The following SLC6A6 variants were observed in gnomAD, a reference collection of about 807,000 sequenced individuals.
SLC6A6 encodes the protein solute carrier family 6 member 6, also known as sodium- and chloride-dependent taurine transporter.
SLC6A6 carries 16 observed loss-of-function variants against 68.8 expected under a neutral mutation model. That is an observed-to-expected ratio of 0.23 (90% confidence interval 0.16 to 0.35). The LOEUF (loss-of-function observed/expected upper bound fraction) is 0.35. SLC6A6 is among the 10% of genes least tolerant of loss of function. The probability of loss-of-function intolerance (pLI) is 1.00; values close to 1 mark genes in which losing one functional copy is unlikely to be tolerated. For missense variants in SLC6A6, 474 were observed against 802.8 expected (o/e 0.59, Z 4.95); for synonymous variants, 312 against 315.4 (o/e 0.99, Z 0.12).
intron 2 of SLC6A6, among the ~76,000 whole-genome samples, chr3:14,419,491 A>G (rs911119543): frequency 1.3e-5 from 2 of 152,190 alleles, no homozygotes; most frequent in African/African-American, 2.4e-5. Flanking sequence ...ACAGGGGGCA[A>G]CCCATGTAGT....
At chr3:14,444,215 A>G (rs192940917) in intron 3 of SLC6A6, 63 of 239,448 alleles carry the variant, frequency 2.6e-4, no homozygotes, top group African/African-American at 1.3e-3. Flanking sequence ...CGCCATATCT[A>G]CTTGCCTCTG....
In SLC6A6 at chr3:14,467,835, C is replaced by G; in HGVS notation, c.868-18C>G. On this transcript the variant is annotated intron_variant, in intron 7 of 14. Coordinates refer to ENST00000622186, the MANE Select transcript of SLC6A6 (RefSeq NM_003043.6). ...ACAGCCCTCCTCTCTTTCCTTGCCACCTCCCTCCCCCTCATAGGTGTGGAT... is the reference window on the plus strand; with the variant it reads ...ACAGCCCTCCTCTCTTTCCTTGCCAGCTCCCTCCCCCTCATAGGTGTGGAT... 1.3e-6 allele frequency: 2 copies of G among 1,535,072 alleles called. No homozygotes were observed. Among genetic ancestry groups the G allele is most frequent in the Non-Finnish European group, 1.8e-6 (2 of 1,117,982 alleles).
At chr3:14,483,598 C>G (rs1207016038) in intron 14 of SLC6A6, among the ~76,000 whole-genome samples, 3 of 152,146 alleles carry the variant, frequency 2.0e-5, no homozygotes, top group Non-Finnish European at 4.4e-5. Flanking sequence ...GGGGGTAGGG[C>G]TGGGAGCAAA....
At position 14,416,883 on chromosome 3, in the gene SLC6A6, G is replaced by A. The variant is rs182561035; in HGVS notation, c.-12+430G>A. 2.8e-4 allele frequency among the ~76,000 whole-genome samples: 43 copies of A among 152,334 alleles called. No individual in the cohort carries two copies. The East Asian group carries it at 8.1e-3, about 29-fold the overall frequency. On this transcript the variant is annotated intron_variant, in intron 2 of 14. Coordinates refer to ENST00000622186, the MANE Select transcript of SLC6A6 (RefSeq NM_003043.6). ...TTTTGAGACAGGGTCACACTCTGTC[G>A]CCTACGCTGGGGTGCAGTGGTGTCA...
rs1484217259 is a variant in SLC6A6 at position 14,472,121 on chromosome 3, T to C, written c.1097-84T>C. On this transcript the variant is annotated intron_variant, in intron 9 of 14. Transcript: ENST00000622186. The surrounding 1 kb of genome is among the most constrained non-coding windows in gnomAD (Gnocchi z 4.5). ...TCCCTGCTGTATTTGGGTCTGAGTG[T>C]CTTTGTGTGAGCCCAGGGTTCCCAG... The C allele has an allele frequency of 1.2e-6, 1 of 813,526 alleles. No homozygotes were observed. Among genetic ancestry groups the C allele is most frequent in the African/African-American group, 1.7e-5 (1 of 58,994 alleles). The allele number at this position is 813,526 out of a possible 1,614,324, so 50.4% of individuals were successfully genotyped here.
rs748711106 is a variant in SLC6A6 at position 14,481,642 on chromosome 3, C to T, written c.1552-29C>T. On this transcript the variant is annotated intron_variant, in intron 13 of 14. Transcript: ENST00000622186. This position sits in a 1 kb window ranked among gnomAD's most constrained non-coding sequence, Gnocchi z 4.7. ...CCCCACCCCCCGATGCCCAGGACCC[C>T]TCTCCTGACTGCCCCCATCTCTCCG... The T allele has an allele frequency of 2.5e-6, 4 of 1,570,570 alleles. No individual in the cohort carries two copies. The highest frequency in any genetic ancestry group is 4.5e-5 in the East Asian group (2 of 44,282).
intron 1 of SLC6A6, chr3:14,411,161 C>T (rs539318746): frequency 6.6e-6 from 1 of 152,504 alleles, no homozygotes; most frequent in East Asian, 1.9e-4. Flanking sequence ...AGTGGTGGCT[C>T]CCTAGTGCTT....
Position 14,468,267 on chromosome 3 carries a change from A to G in SLC6A6, c.1096+55A>G. On this transcript the variant is annotated intron_variant, in intron 9 of 14. Transcript: ENST00000622186. The surrounding 1 kb of genome is among the most constrained non-coding windows in gnomAD (Gnocchi z 4.5). ...GGCACTGCCACCTAGTGTGTAAGCC[A>G]AGTACTGCAGGCATGAAGCCAGACC... The G allele has an allele frequency of 3.9e-6, 6 of 1,553,368 alleles. No homozygotes were observed. Among genetic ancestry groups the G allele is most frequent in the Non-Finnish European group, 5.3e-6 (6 of 1,142,028 alleles).
chr3:14,424,755 G>C (rs1439007733), intron 2 of SLC6A6, among the ~76,000 whole-genome samples: 3 of 152,210 alleles, frequency 2.0e-5, no homozygotes, highest in Admixed American at 6.5e-5. Flanking sequence ...CGCTGCAGGA[G>C]AATCACAGGC....
intron 2 of SLC6A6, among the ~76,000 whole-genome samples, chr3:14,439,835 G>A (rs1419607514): frequency 1.3e-5 from 2 of 152,272 alleles, no homozygotes; most frequent in Admixed American, 1.3e-4. Flanking sequence ...GGACTCCCTG[G>A]AGGGTGTCCT....
chr3:14,461,707 A>G (rs7623044), intron 6 of SLC6A6, among the ~76,000 whole-genome samples: 64,079 of 152,078 alleles, frequency 0.42, 13,751 homozygotes, highest in South Asian at 0.48. Context: ...CATGACTTTG[A>G]ACAAGGCCCT....
At position 14,477,474 on chromosome 3, in the gene SLC6A6, C is replaced by T. The variant is rs1700905838; in HGVS notation, c.1347+132C>T. ...CCCAGCCCCACCCAATTCAGGGGTC[C>T]TGCTTGGACCAACACTGGGGGTAGC... On this transcript the variant is annotated intron_variant, in intron 11 of 14. Transcript: ENST00000622186. The surrounding 1 kb of genome is among the most constrained non-coding windows in gnomAD (Gnocchi z 4.2). 1.1e-6 allele frequency: 1 copy of T among 890,500 alleles called. No homozygotes were observed. Among genetic ancestry groups the T allele is most frequent in the Non-Finnish European group, 1.8e-6 (1 of 569,170 alleles). 55.2% of individuals were successfully genotyped at this position (890,500 alleles called of 1,614,324 possible).
At chr3:14,448,026 C>T in intron 5 of SLC6A6, 1 of 1,309,662 alleles carries the variant, frequency 7.6e-7, no homozygotes, top group Non-Finnish European at 1.0e-6. Context: ...CTTAGGCAAG[C>T]CACTCCTCCT....
intron 6 of SLC6A6, among the ~76,000 whole-genome samples, chr3:14,460,737 C>G (rs922467039): frequency 6.6e-6 from 1 of 152,262 alleles, no homozygotes; most frequent in East Asian, 1.9e-4. Context: ...CAACCTCCTT[C>G]GTGGGGTGGC....
intron 2 of SLC6A6, among the ~76,000 whole-genome samples, chr3:14,433,721 T>G (rs1001857209): frequency 6.7e-6 from 1 of 148,270 alleles, no homozygotes; most frequent in African/African-American, 2.5e-5. Flanking sequence ...CGAGAATCTC[T>G]TGGACCCAGG....
At chr3:14,452,170 G>T (rs1216496263) in intron 5 of SLC6A6, among the ~76,000 whole-genome samples, 1 of 152,226 alleles carries the variant, frequency 6.6e-6, no homozygotes, top group African/African-American at 2.4e-5. Context: ...AGGCAGCAGA[G>T]CAGCAATGGG....
In SLC6A6 at chr3:14,439,409, G is replaced by A. The variant is rs573608232; in HGVS notation, c.-11-4215G>A. On this transcript the variant is annotated intron_variant, in intron 2 of 14. Transcript: ENST00000622186. ...TGGCAAGCCATGGCATCGCTGGCAC[G>A]GGGCTGCACCTGCCTGCGTGTGTGT... Among the ~76,000 whole-genome samples the A allele has an allele frequency of 6.6e-5, 10 of 152,348 alleles. No individual in the cohort carries two copies. The East Asian group carries it at 1.3e-3, about 21-fold the overall frequency.
At chr3:14,433,053 A>C (rs1289151566) in intron 2 of SLC6A6, among the ~76,000 whole-genome samples, 1 of 152,160 alleles carries the variant, frequency 6.6e-6, no homozygotes, top group African/African-American at 2.4e-5. Context: ...TCTTTAACAA[A>C]ACGAGCCCCT....
intron 2 of SLC6A6, among the ~76,000 whole-genome samples, chr3:14,437,886 G>C (rs1453186896): frequency 6.6e-6 from 1 of 151,636 alleles, no homozygotes; most frequent in Non-Finnish European, 1.5e-5. Flanking sequence ...AGACTGCAGT[G>C]GTGCGATCTT....
Sources: gnomAD v4.1 joint callset for allele counts (sites outside exome capture counted in the v4.1 genomes callset) on GRCh38, gnomAD v4.1.1 for gene constraint, Gnocchi (gnomAD v3.1) non-coding constraint, MANE v1.5 for transcripts, NCBI Gene and HGNC (gene_info 2026-07-23, HGNC 2026-07-21) for gene names.